The following TTC28 variants were observed in gnomAD, a reference collection of about 807,000 sequenced individuals.
TTC28 encodes the protein tetratricopeptide repeat protein 28.
Under a neutral mutation model 198.0 loss-of-function variants are expected in TTC28, and 61 were observed. That is an observed-to-expected ratio of 0.31 (90% confidence interval 0.25 to 0.38). TTC28 has a LOEUF of 0.38. Ranked by LOEUF, TTC28 falls within the 10% of genes least tolerant of loss-of-function variation. TTC28 has a pLI of 1.00. For missense variants in TTC28, 2,678 were observed against 3,164.0 expected, an observed-to-expected ratio of 0.85 and a Z score of 3.69; for synonymous variants, 1,171 against 1,297.8, an observed-to-expected ratio of 0.90 and a Z score of 2.10.
intron 2 of TTC28, among the ~76,000 whole-genome samples, chr22:28,527,088 A>C (rs1200086089): frequency 6.6e-6 from 1 of 152,156 alleles, no homozygotes; most frequent in Non-Finnish European, 1.5e-5. Context: ...TTGCACAGGG[A>C]ATCAGTAGTG....
At position 28,497,085 on chromosome 22, in the gene TTC28, T is replaced by G. The variant is rs187602349; in HGVS notation, c.381+132467A>C. ...ATTTGAAATTGTAATCCCTCCCCAC[T>G]TCCAATATTCTTGTGTCTCCTTTCT... is the stretch of plus-strand genomic sequence containing the variant. On this transcript the variant is annotated intron_variant, in intron 2 of 22. Coordinates refer to ENST00000397906, the MANE Select transcript of TTC28 (RefSeq NM_001145418.2). Among the ~76,000 whole-genome samples, 568 of 152,296 alleles carry G rather than the reference T, an allele frequency of 3.7e-3. 3 individuals are homozygous for G. Among genetic ancestry groups the G allele is most frequent in the Non-Finnish European group, 6.2e-3 (424 of 68,004 alleles).
At chr22:28,430,285 A>G (rs1223354894) in intron 2 of TTC28, among the ~76,000 whole-genome samples, 1 of 152,052 alleles carries the variant, frequency 6.6e-6, no homozygotes, top group Non-Finnish European at 1.5e-5. Context: ...ATTATCTTGT[A>G]CTCTCTAAAT....
intron 2 of TTC28, among the ~76,000 whole-genome samples, chr22:28,462,081 G>A (rs943800590): frequency 6.6e-5 from 10 of 152,092 alleles, no homozygotes; most frequent in African/African-American, 2.4e-4. Flanking sequence ...ATCTTTTTAA[G>A]GTAGCAACTA....
rs554867367 is a variant in TTC28 at position 28,484,441 on chromosome 22, C to T, written c.381+145111G>A. On this transcript the variant is annotated intron_variant, in intron 2 of 22. Coordinates refer to ENST00000397906, the MANE Select transcript of TTC28 (RefSeq NM_001145418.2). ...AAGTTTTATTAAAAGCTTTATGACT[C>T]CATCACTTCAGAATGTCAAATTTAT... is the stretch of plus-strand genomic sequence containing the variant. Among the ~76,000 whole-genome samples, 62 of 152,214 alleles carry T rather than the reference C, an allele frequency of 4.1e-4. 1 individual carries two copies. The South Asian group carries it at 0.013, about 31-fold the overall frequency.
At chr22:27,990,890 A>G in intron 19 of TTC28, 78 bp from the exon 20 acceptor site, 2 of 1,422,464 alleles carry the variant, frequency 1.4e-6, no homozygotes, top group Non-Finnish European at 1.9e-6. Context: ...GCTGTTATGC[A>G]ACATGAGCTG....
chr22:28,555,934 CAT>C (rs972643204), intron 2 of TTC28, among the ~76,000 whole-genome samples: 8 of 152,052 alleles, frequency 5.3e-5, no homozygotes, highest in African/African-American at 7.2e-5. Flanking sequence ...CATTTATCCA[CAT>C]GTTTACTAAT....
At chr22:28,331,458 T>TA (rs1393223223) in intron 2 of TTC28, among the ~76,000 whole-genome samples, 2 of 152,102 alleles carry the variant, frequency 1.3e-5, no homozygotes, top group Non-Finnish European at 2.9e-5. Flanking sequence ...ACAGAATAGA[T>TA]AGCCAATGAT....
chr22:28,528,026 C>A (rs1056080170), intron 2 of TTC28, among the ~76,000 whole-genome samples: 6 of 152,062 alleles, frequency 3.9e-5, no homozygotes, highest in Non-Finnish European at 8.8e-5. Flanking sequence ...CATGGGAGGC[C>A]CCACCTTGAT....
intron 6 of TTC28, 56 bp from the exon 7 acceptor site, chr22:28,108,459 G>T (rs1232569980): frequency 1.5e-6 from 2 of 1,347,630 alleles, no homozygotes; most frequent in Admixed American, 7.1e-5. Flanking sequence ...TTGCAATGTA[G>T]AAAGAAATGT....
intron 2 of TTC28, among the ~76,000 whole-genome samples, chr22:28,472,546 ATGTGTATGTGTGTGTGTG>A (rs956417654): frequency 6.7e-5 from 6 of 89,040 alleles, no homozygotes; most frequent in South Asian, 8.0e-4. Flanking sequence ...CAAAAAGAAA[ATGTGTATGTGTGTGTGTG>A]TGTGTGTGTG....
At chr22:28,558,578 G>A (rs940396037) in intron 2 of TTC28, among the ~76,000 whole-genome samples, 73 of 152,302 alleles carry the variant, frequency 4.8e-4, no homozygotes, top group African/African-American at 1.6e-3. Flanking sequence ...GGGATGCTGA[G>A]GCAGGAGAAT....
Position 28,163,259 on chromosome 22 carries a change from T to G in TTC28, c.1274A>C (p.Gln425Pro). ...CTCAATAGCCTTCTCCATCAACTCC[T>G]GTGCCAGCTCCAGGACATAGTTATG... ...SYHNYVLELA[Q>P]ELMEKAIEMR... The change falls in exon 6 of 23, where the codon CAG becomes CCG. Residue 425 changes from glutamine to proline, a missense_variant. Physicochemically the swap from Gln to Pro is moderately conservative, Grantham distance 76 (BLOSUM62 -1). Coordinates refer to ENST00000397906, the MANE Select transcript of TTC28 (RefSeq NM_001145418.2). 3.9e-6 allele frequency: 6 copies of G among 1,551,870 alleles called. No individual in the cohort carries two copies. Among genetic ancestry groups the G allele is most frequent in the Non-Finnish European group, 5.2e-6 (6 of 1,147,046 alleles).
rs575984604 is a variant in TTC28 at position 28,123,896 on chromosome 22, T to C, written c.1442-15493A>G. Among the ~76,000 whole-genome samples, 87 of 152,108 alleles carry C rather than the reference T, an allele frequency of 5.7e-4. 1 individual carries two copies. Among genetic ancestry groups the C allele is most frequent in the Admixed American group, 9.2e-4 (14 of 15,288 alleles). The stretch of plus-strand genomic sequence containing the variant: ...TACTCGGGAGGCTGAGGCAGGAGAA[T>C]TGCTTGAACCCGGGAGGCAGAGGTT... On this transcript the variant is annotated intron_variant, in intron 6 of 22. Transcript: ENST00000397906.
chr22:28,623,158 A>G (rs1194875653), intron 2 of TTC28, among the ~76,000 whole-genome samples: 2 of 151,524 alleles, frequency 1.3e-5, no homozygotes, highest in Non-Finnish European at 2.9e-5. Context: ...TGATCTCACT[A>G]TGTTGCCCAG....
At chr22:28,349,362 A>G (rs2045957212) in intron 2 of TTC28, among the ~76,000 whole-genome samples, 1 of 152,234 alleles carries the variant, frequency 6.6e-6, no homozygotes, top group African/African-American at 2.4e-5. Flanking sequence ...TTTTGATGCA[A>G]TTTAATATTT....
chr22:28,513,758 A>C (rs1450420581), intron 2 of TTC28, among the ~76,000 whole-genome samples: 2 of 152,168 alleles, frequency 1.3e-5, no homozygotes, highest in African/African-American at 2.4e-5. Context: ...AAAAATAAAA[A>C]TATACATATA....
chr22:28,503,168 C>T (rs185485045), intron 2 of TTC28, among the ~76,000 whole-genome samples: 23 of 152,236 alleles, frequency 1.5e-4, no homozygotes, highest in Admixed American at 9.2e-4. Flanking sequence ...AAGCTGCATA[C>T]GCCGCTCCCT....
chr22:28,181,116 T>C (rs915040085), intron 5 of TTC28, among the ~76,000 whole-genome samples: 5 of 152,234 alleles, frequency 3.3e-5, no homozygotes, highest in Non-Finnish European at 5.9e-5. Context: ...CCTTTTCCAA[T>C]GCTGTGGGAC....
intron 2 of TTC28, among the ~76,000 whole-genome samples, chr22:28,493,469 C>T (rs1283447484): frequency 6.6e-6 from 1 of 152,172 alleles, no homozygotes; most frequent in Non-Finnish European, 1.5e-5. Flanking sequence ...AACATTCATT[C>T]TGTCTTTCTA....
Sources: allele counts gnomAD v4.1 joint callset (sites outside exome capture counted in the v4.1 genomes callset), GRCh38; gene constraint gnomAD v4.1.1; transcripts MANE v1.5; gene names NCBI Gene and HGNC (gene_info 2026-07-23, HGNC 2026-07-21).